ENAH: variants seen among roughly 807,000 people sequenced by gnomAD.
ENAH encodes protein enabled homolog.
A neutral mutation model predicts 78.7 loss-of-function variants in ENAH; 23 were observed. The ratio of observed to expected loss-of-function variants is 0.29; its 90% confidence interval spans 0.21 to 0.41. The LOEUF is 0.41. Among genes scored for constraint, ENAH ranks in the 10% least tolerant of loss-of-function variants. ENAH has a pLI of 1.00. For missense variants in ENAH, 544 were observed against 691.0 expected (o/e 0.79, Z 2.39); for synonymous variants, 226 against 241.0 (o/e 0.94, Z 0.58).
chr1:225,617,858 T>C (rs758841499), intron 1 of ENAH, among the ~76,000 whole-genome samples: 11 of 152,186 alleles, frequency 7.2e-5, no homozygotes, highest in South Asian at 2.1e-4. Flanking sequence ...TTAGATAATA[T>C]ACAGCTAATT....
intron 2 of ENAH, 113 bp downstream of exon 2, chr1:225,567,136 C>T (rs186593248): frequency 2.2e-5 from 27 of 1,201,628 alleles, no homozygotes; most frequent in Non-Finnish European, 2.9e-5. Context: ...TTCAGTTTTT[C>T]CCAGAGAGAG....
At chr1:225,602,131 C>T (rs59481688) in intron 1 of ENAH, among the ~76,000 whole-genome samples, 11,894 of 151,888 alleles carry the variant, frequency 0.078, 1,577 homozygotes, top group African/African-American at 0.27. Context: ...AGAGAAATGA[C>T]AAAATTATCA....
At chr1:225,502,844 T>C (rs2096291530) in intron 11 of ENAH, among the ~76,000 whole-genome samples, 1 of 152,238 alleles carries the variant, frequency 6.6e-6, no homozygotes, top group South Asian at 2.1e-4. Flanking sequence ...TCACTCATGC[T>C]ACCTATTCCT....
chr1:225,627,126 G>A lies in ENAH; in HGVS notation c.5+25560C>T, dbSNP rs985116550. Among the ~76,000 whole-genome samples, 7 of 152,214 alleles carry A rather than the reference G, an allele frequency of 4.6e-5. No homozygotes were observed. The East Asian group carries it at 1.3e-3, about 29-fold the overall frequency. On this transcript the variant is annotated intron_variant, in intron 1 of 13. Transcript: ENST00000366843. The stretch of plus-strand genomic sequence containing the variant: ...GAGAAAGACAGTTTTAATACAATGT[G>A]TCTTAAATTGATATTATTTATAATT...
chr1:225,559,241 G>T (rs994040883), intron 2 of ENAH, among the ~76,000 whole-genome samples: 4 of 152,016 alleles, frequency 2.6e-5, no homozygotes, highest in African/African-American at 9.7e-5. Flanking sequence ...ACACCTATGG[G>T]ATTCTCTATT....
At chr1:225,585,067 T>C (rs1218071677) in intron 1 of ENAH, among the ~76,000 whole-genome samples, 2 of 151,634 alleles carry the variant, frequency 1.3e-5, no homozygotes, top group Non-Finnish European at 2.9e-5. Flanking sequence ...ATACAAAAAT[T>C]AGCCAGGCAG....
Position 225,497,829 on chromosome 1 carries a change from A to C in ENAH, c.1676-17T>G, listed in dbSNP as rs770714090. On this transcript the variant is annotated splice_polypyrimidine_tract_variant and intron_variant, in intron 13 of 13. Coordinates refer to ENST00000366843, the MANE Select transcript of ENAH (RefSeq NM_018212.6). ...GCCTGATTGCTGGATGGAAAAGAAC[A>C]AGTATTGAAAATAAATATAATGATA... The C allele has an allele frequency of 1.2e-6, 2 of 1,606,934 alleles. No homozygotes were observed. The highest frequency in any genetic ancestry group is 3.3e-5 in the Admixed American group (2 of 59,954).
At chr1:225,513,522 A>G (rs1170246997) in intron 7 of ENAH, among the ~76,000 whole-genome samples, 1 of 152,244 alleles carries the variant, frequency 6.6e-6, no homozygotes, top group Non-Finnish European at 1.5e-5. Context: ...ACTATAGATG[A>G]AATTTGAATA....
At chr1:225,547,646 C>CT (rs1436460729) in intron 3 of ENAH, among the ~76,000 whole-genome samples, 1 of 152,190 alleles carries the variant, frequency 6.6e-6, no homozygotes, top group Non-Finnish European at 1.5e-5. Context: ...CACTGAATCT[C>CT]TATCACCCAA....
chr1:225,619,861 T>C (rs946228711), intron 1 of ENAH, among the ~76,000 whole-genome samples: 28 of 152,156 alleles, frequency 1.8e-4, no homozygotes, highest in African/African-American at 6.7e-4. Context: ...AAAAAGTACA[T>C]AAATGATAAT....
intron 12 of ENAH, among the ~76,000 whole-genome samples, chr1:225,500,413 C>G (rs1036947039): frequency 6.6e-5 from 10 of 152,148 alleles, no homozygotes; most frequent in African/African-American, 2.4e-4. Context: ...GGCAACTGTT[C>G]ACAATTTACT....
intron 2 of ENAH, among the ~76,000 whole-genome samples, chr1:225,558,533 A>G (rs900075054): frequency 1.1e-4 from 16 of 150,548 alleles, no homozygotes; most frequent in East Asian, 3.9e-4. Context: ...TAATGGTTAA[A>G]CCATTTTTTT....
At chr1:225,570,357 A>C (rs1174207965) in intron 1 of ENAH, among the ~76,000 whole-genome samples, 1 of 151,628 alleles carries the variant, frequency 6.6e-6, no homozygotes, top group Non-Finnish European at 1.5e-5. Context: ...ATTGAACAAC[A>C]TGGGAACTGC....
At chr1:225,499,324 C>T (rs2096268840) in intron 12 of ENAH, among the ~76,000 whole-genome samples, 1 of 151,812 alleles carries the variant, frequency 6.6e-6, no homozygotes, top group Admixed American at 6.6e-5. Flanking sequence ...AAAATATATA[C>T]GTAGCCCACA....
rs2096230583 is a variant in ENAH at position 225,493,073 on chromosome 1, A to C, written c.*4702T>G. The stretch of plus-strand genomic sequence containing the variant: ...ACCATCCTAAATTTACTGCATTAAT[A>C]TTTTACTTTTCTTTCTAATCAATTT... On this transcript the variant is annotated 3_prime_UTR_variant, in exon 14 of 14. Transcript: ENST00000366843. 6.6e-6 allele frequency: 1 copy of C among 152,106 alleles called. No individual in the cohort carries two copies. Among genetic ancestry groups the C allele is most frequent in the African/African-American group, 2.4e-5 (1 of 41,394 alleles). The allele number at this position is 152,106 out of a possible 1,614,324, so 9.4% of individuals were successfully genotyped here. A position where few individuals can be genotyped will look rare whatever the true frequency, so the allele number is the denominator to read the frequency against.
At chr1:225,577,645 T>C (rs961099346) in intron 1 of ENAH, among the ~76,000 whole-genome samples, 1 of 152,222 alleles carries the variant, frequency 6.6e-6, no homozygotes, top group Non-Finnish European at 1.5e-5. Context: ...AAAGTACAAA[T>C]GCAGTCTAGT....
chr1:225,615,948 A>C (rs1458741013), intron 1 of ENAH, among the ~76,000 whole-genome samples: 2 of 152,218 alleles, frequency 1.3e-5, no homozygotes, highest in African/African-American at 4.8e-5. Flanking sequence ...GTGTAGAAAG[A>C]AGCAGACATA....
rs755184907 is a variant in ENAH at position 225,498,354 on chromosome 1, G to T, written c.1668C>A (p.Leu556=). The T allele has an allele frequency of 1.9e-6, 3 of 1,594,380 alleles. No individual in the cohort carries two copies. The highest frequency in any genetic ancestry group is 1.7e-6 in the Non-Finnish European group (2 of 1,166,198). The change falls in exon 13 of 14, where the codon CTC becomes CTA. Residue 556 remains leucine (L), a synonymous_variant. Transcript: ENST00000366843. The stretch of plus-strand genomic sequence containing the variant: ...ATTTGTCCAGACACTTACCATCAAT[G>T]AGCTCTTCTTTTAGCTTTGTTAATT... ...RKELTKLKEE[L]IDAIRQELSK...
intron 12 of ENAH, among the ~76,000 whole-genome samples, chr1:225,499,854 C>T (rs1285011327): frequency 2.0e-5 from 3 of 152,160 alleles, no homozygotes; most frequent in Admixed American, 2.0e-4. Flanking sequence ...TTAAAGTTTA[C>T]CTTTTGAAAA....
Sources: allele counts gnomAD v4.1 joint callset (sites outside exome capture counted in the v4.1 genomes callset), GRCh38; gene constraint gnomAD v4.1.1; transcripts MANE v1.5; gene names NCBI Gene and HGNC (gene_info 2026-07-23, HGNC 2026-07-21).